SH3RF3: variants seen among roughly 807,000 people sequenced by gnomAD.
The protein encoded by SH3RF3 is E3 ubiquitin-protein ligase SH3RF3.
A neutral mutation model predicts 66.3 loss-of-function variants in SH3RF3; 29 were observed. The ratio of observed to expected loss-of-function variants is 0.44; its 90% CI spans 0.33 to 0.60. SH3RF3 has a LOEUF of 0.60. SH3RF3 is among the 20% of genes least tolerant of loss of function. The pLI, the probability that SH3RF3 is intolerant of heterozygous loss-of-function variation, is 0.04. For missense variants in SH3RF3, 1,194 were observed against 1,190.9 expected (o/e 1.00, Z -0.04); for synonymous variants, 583 against 532.0 (o/e 1.10, Z -1.32).
chr2:109,290,280 C>G (rs1210094815), intron 1 of SH3RF3, among the ~76,000 whole-genome samples: 1 of 152,228 alleles, frequency 6.6e-6, no homozygotes, highest in Non-Finnish European at 1.5e-5. Context: ...GAAGTGAGAA[C>G]TTCTCTTTCT....
chr2:109,265,271 G>GGGCA (rs1478398243), intron 1 of SH3RF3, among the ~76,000 whole-genome samples: 1 of 152,240 alleles, frequency 6.6e-6, no homozygotes, highest in Non-Finnish European at 1.5e-5. Flanking sequence ...GGAGCTCTGA[G>GGGCA]GGCAGCTCGT....
intron 1 of SH3RF3, among the ~76,000 whole-genome samples, chr2:109,295,972 C>T (rs959834773): frequency 3.3e-5 from 5 of 152,022 alleles, no homozygotes; most frequent in African/African-American, 9.7e-5. Flanking sequence ...ACATTGCAGC[C>T]CTTCACTATA....
intron 8 of SH3RF3, among the ~76,000 whole-genome samples, chr2:109,464,327 T>C (rs564045960): frequency 6.6e-6 from 1 of 152,222 alleles, no homozygotes; most frequent in Non-Finnish European, 1.5e-5. Flanking sequence ...TCACGTACAA[T>C]GTGAACACAT....
chr2:109,424,371 A>C (rs543865304), intron 5 of SH3RF3, among the ~76,000 whole-genome samples: 2 of 152,344 alleles, frequency 1.3e-5, no homozygotes, highest in Admixed American at 1.3e-4. Flanking sequence ...CAGGCTGGGC[A>C]TCCCTGGACC....
intron 1 of SH3RF3, among the ~76,000 whole-genome samples, chr2:109,291,412 C>T (rs1462880373): frequency 6.6e-6 from 1 of 151,970 alleles, no homozygotes; most frequent in Non-Finnish European, 1.5e-5. Context: ...TTATGCATCT[C>T]AGTTCCTGCA....
In SH3RF3 at chr2:109,501,627, G is replaced by A. The variant is rs748376000; in HGVS notation, c.2605G>A (p.Gly869Ser). The A allele has an allele frequency of 1.2e-5, 9 of 777,376 alleles. No homozygotes were observed. The highest frequency in any genetic ancestry group is 1.7e-5 in the Admixed American group (1 of 58,610). The allele number at this position is 777,376 out of a possible 1,614,324, so 48.2% of individuals were successfully genotyped here. A position where few individuals can be genotyped will look rare whatever the true frequency, so the allele number is the denominator to read the frequency against. The change falls in exon 10 of 10, where the codon GGC (glycine) becomes AGC (serine). Residue 869 changes from glycine to serine, a missense_variant. Transcript: ENST00000309415. Reference sequence around the variant, plus strand: ...GTACAAGGGGACCCTGCAGCGGAACGGCCGCACAGGCCTCTTCCCGGGCAG... The same window carrying A: ...GTACAAGGGGACCCTGCAGCGGAACAGCCGCACAGGCCTCTTCCCGGGCAG... ...GWYKGTLQRN[G>S]RTGLFPGSFV... is the part of the protein sequence containing the mutation.
intron 6 of SH3RF3, among the ~76,000 whole-genome samples, chr2:109,434,300 C>A (rs1371805702): frequency 6.6e-6 from 1 of 152,256 alleles, no homozygotes; most frequent in Non-Finnish European, 1.5e-5. Flanking sequence ...CAGGTTCTTC[C>A]TCCATGCAGC....
chr2:109,312,089 G>T (rs1352429399), intron 1 of SH3RF3, among the ~76,000 whole-genome samples: 3 of 152,112 alleles, frequency 2.0e-5, no homozygotes, highest in African/African-American at 7.2e-5. Context: ...GTGTTTTTAT[G>T]GTTTCCTTTA....
At chr2:109,212,979 A>G (rs1422128489) in intron 1 of SH3RF3, among the ~76,000 whole-genome samples, 3 of 152,206 alleles carry the variant, frequency 2.0e-5, no homozygotes, top group Non-Finnish European at 4.4e-5. Context: ...CACACATCCC[A>G]GGGAAGCCCT....
chr2:109,346,918 G>A (rs1682722599), intron 1 of SH3RF3, among the ~76,000 whole-genome samples: 2 of 152,306 alleles, frequency 1.3e-5, no homozygotes, highest in African/African-American at 2.4e-5. Context: ...AAAGCTGTGT[G>A]TCATGGTGGG....
chr2:109,452,927 G>C (rs1246255361), intron 8 of SH3RF3, among the ~76,000 whole-genome samples: 1 of 149,776 alleles, frequency 6.7e-6, no homozygotes, highest in African/African-American at 2.5e-5. Flanking sequence ...CAGGAGGCTG[G>C]TCCCGGGAGG....
intron 1 of SH3RF3, among the ~76,000 whole-genome samples, chr2:109,278,259 G>T (rs1162552910): frequency 6.6e-6 from 1 of 152,146 alleles, no homozygotes; most frequent in Admixed American, 6.5e-5. Flanking sequence ...CTGAGCCCAC[G>T]GTAGGCACTT....
chr2:109,300,334 C>A (rs557397447), intron 1 of SH3RF3, among the ~76,000 whole-genome samples: 8 of 152,142 alleles, frequency 5.3e-5, no homozygotes, highest in Non-Finnish European at 1.0e-4. Context: ...CGCACGCCAC[C>A]ATGTCTGGCT....
rs199594929 is a variant in SH3RF3 at position 109,501,626 on chromosome 2, C to T, written c.2604C>T (p.Asn868=). 1.2e-4 allele frequency: 93 copies of T among 777,874 alleles called. No homozygotes were observed. In the East Asian group the frequency reaches 1.8e-3, roughly 15 times the overall value. The allele number at this position is 777,874 out of a possible 1,614,324, so 48.2% of individuals were successfully genotyped here. A position where few individuals can be genotyped will look rare whatever the true frequency, so the allele number is the denominator to read the frequency against. Reference sequence around the variant, plus strand: ...GGTACAAGGGGACCCTGCAGCGGAACGGCCGCACAGGCCTCTTCCCGGGCA... The same window carrying T: ...GGTACAAGGGGACCCTGCAGCGGAATGGCCGCACAGGCCTCTTCCCGGGCA... ...DGWYKGTLQR[N]GRTGLFPGSF... The change falls in exon 10 of 10, where the codon AAC becomes AAT. Residue 868 remains asparagine (N), a synonymous_variant. Coordinates refer to ENST00000309415, the MANE Select transcript of SH3RF3 (RefSeq NM_001099289.3).
rs899628648 is a variant in SH3RF3, at chr2:109,437,072, C to T, written c.1754C>T (p.Ser585Leu). The T allele has an allele frequency of 5.0e-6, 8 of 1,613,590 alleles. No individual in the cohort carries two copies. The highest frequency in any genetic ancestry group is 6.8e-6 in the Non-Finnish European group (8 of 1,179,860). Reference sequence around the variant, plus strand: ...GCCCACGCCCAGCACCCCACAGCCTCGCCCCCAACAGGCAGCTGTCTACGG... The same window carrying T: ...GCCCACGCCCAGCACCCCACAGCCTTGCCCCCAACAGGCAGCTGTCTACGG... ...PQAHAQHPTA[S>L]PPTGSCLRHS... The change falls in exon 7 of 10, where the codon TCG (serine) becomes TTG (leucine). Residue 585 changes from serine to leucine, a missense_variant. Coordinates refer to ENST00000309415, the MANE Select transcript of SH3RF3 (RefSeq NM_001099289.3).
chr2:109,461,991 C>T (rs1020644561), intron 8 of SH3RF3, among the ~76,000 whole-genome samples: 6 of 152,028 alleles, frequency 3.9e-5, no homozygotes, highest in Admixed American at 2.0e-4. Flanking sequence ...CTCCACCTTA[C>T]GAGGGATGTC....
At chr2:109,478,474 A>C (rs1296710504) in intron 8 of SH3RF3, among the ~76,000 whole-genome samples, 1 of 152,142 alleles carries the variant, frequency 6.6e-6, no homozygotes, top group African/African-American at 2.4e-5. Context: ...GAATGTATTC[A>C]GTTATCTAGA....
At chr2:109,182,708 A>G (rs1433407345) in intron 1 of SH3RF3, among the ~76,000 whole-genome samples, 2 of 152,232 alleles carry the variant, frequency 1.3e-5, no homozygotes, top group Non-Finnish European at 2.9e-5. Flanking sequence ...CTTGATATCA[A>G]CTACTGCAGT....
intron 1 of SH3RF3, among the ~76,000 whole-genome samples, chr2:109,286,204 C>T (rs996394718): frequency 1.3e-5 from 2 of 152,182 alleles, no homozygotes; most frequent in African/African-American, 4.8e-5. Context: ...AAAGTAAGGG[C>T]CTGGCAAAGG....
Sources: allele counts gnomAD v4.1 joint callset (sites outside exome capture counted in the v4.1 genomes callset), GRCh38; gene constraint gnomAD v4.1.1; transcripts MANE v1.5; gene names NCBI Gene and HGNC (gene_info 2026-07-23, HGNC 2026-07-21).